WDR87: variants seen among roughly 807,000 people sequenced by gnomAD.
WDR87 encodes the protein WD repeat-containing protein 87.
A neutral mutation model predicts 83.3 loss-of-function variants in WDR87; 56 were observed. The observed-to-expected ratio is 0.67, with a 90% CI of 0.54 to 0.84. WDR87 has a LOEUF of 0.84. Ranked by LOEUF, WDR87 falls within the 40% of genes least tolerant of loss-of-function variation. WDR87 has a pLI of 0.00. For missense variants in WDR87, 2,939 were observed against 3,431.9 expected, an observed-to-expected ratio of 0.86 and a Z score of 3.59; for synonymous variants, 1,173 against 1,250.6, an observed-to-expected ratio of 0.94 and a Z score of 1.31.
chr19:37,891,514 G>A (rs2046204705), intron 5 of WDR87, 38 bp downstream of exon 5: 1 of 1,545,336 alleles, frequency 6.5e-7, no homozygotes, highest in Non-Finnish European at 8.7e-7. Flanking sequence ...CTGCCTCTTG[G>A]GGACCCTGAG....
In WDR87 at chr19:37,892,874, T is replaced by C. The variant is rs1371780112; in HGVS notation, c.2829A>G (p.Ala943=). 1 of 1,551,874 alleles carries C rather than the reference T, an allele frequency of 6.4e-7. No homozygotes were observed. The highest frequency in any genetic ancestry group is 8.7e-7 in the Non-Finnish European group (1 of 1,147,058). Residue 943 remains alanine, a synonymous_variant, in exon 4 of 6, where the codon GCA becomes GCG. Coordinates refer to ENST00000447313, the MANE Select transcript of WDR87 (RefSeq NM_001291088.2). ...SLLKYQCCVG[A]LGQIFASYQV... is the part of the protein sequence containing the mutation. ...GGTAAGAGGCAAAGATTTGCCCTAG[T>C]GCACCAACACAGCACTGGTACTTCA...
chr19:37,904,641 A>G (rs953231065), intron 1 of WDR87, among the ~76,000 whole-genome samples: 3 of 152,162 alleles, frequency 2.0e-5, no homozygotes, highest in African/African-American at 7.2e-5. Context: ...GGCGTGAGCC[A>G]CTGTGCCTGG....
chr19:37,896,132 T>G lies in WDR87; in HGVS notation c.246+6A>C. The G allele has an allele frequency of 6.4e-7, 1 of 1,552,154 alleles. No individual in the cohort carries two copies. The highest frequency in any genetic ancestry group is 8.7e-7 in the Non-Finnish European group (1 of 1,147,070). On this transcript the variant is annotated splice_donor_region_variant and intron_variant, in intron 3 of 5. Transcript: ENST00000447313. ...GGGCCAAGAAGGGTAAGAAAGGCAG[T>G]CTTACTTGTATTTCTTTTGTGTTTG...
At position 37,886,831 on chromosome 19, in the gene WDR87, C is replaced by A; in HGVS notation, c.6840G>T (p.Glu2280Asp). The change falls in exon 6 of 6, where the codon GAG becomes GAT. Residue 2280 changes from glutamate to aspartate, a missense_variant. Coordinates refer to ENST00000447313, the MANE Select transcript of WDR87 (RefSeq NM_001291088.2). ...CCTCCTCCTCCTCAGAAGACAAACT[C>A]TCTTGCTTTTCTAGTTCATCTAACA... is the stretch of plus-strand genomic sequence containing the variant. ...ESLLDELEKQ[E>D]SLSSEEEEER... 6.4e-7 allele frequency: 1 copy of A among 1,550,774 alleles called. No individual in the cohort carries two copies. Among genetic ancestry groups the A allele is most frequent in the Non-Finnish European group, 8.7e-7 (1 of 1,146,868 alleles).
intron 2 of WDR87, 82 bp downstream of exon 2, chr19:37,898,083 C>A (rs2046270243): frequency 1.3e-6 from 2 of 1,492,794 alleles, no homozygotes; most frequent in Admixed American, 2.0e-5. Flanking sequence ...CAAGGACAAT[C>A]TGTGGCTCTT....
chr19:37,902,022 GTTTATTTATTTATTTA>G (rs10618499), intron 1 of WDR87, among the ~76,000 whole-genome samples: 7 of 145,062 alleles, frequency 4.8e-5, no homozygotes, highest in African/African-American at 1.8e-4. Flanking sequence ...GGCCCTCTAT[GTTTATTTATTTATTTA>G]TTTATTTATT....
chr19:37,903,453 C>T (rs958969028), intron 1 of WDR87, among the ~76,000 whole-genome samples: 1 of 152,152 alleles, frequency 6.6e-6, no homozygotes, highest in African/African-American at 2.4e-5. Flanking sequence ...GGAAGAGTTA[C>T]CCTGGATCCC....
rs2046164206 is a variant in WDR87, at chr19:37,887,847, TCA to T, written c.5822_5823del (p.Val1941AspfsTer9). The stretch of plus-strand genomic sequence containing the variant: ...TCAGCCAGTTTCTCCTTCTTCTTGA[TCA>T]CAGTCTCCTTTTCCTGTGTCAGCTT... ...EEKLTQEKETVIKKKEKLAET... is the reference protein window; with the variant it reads ...EEKLTQEKETXIKKKEKLAET... On this transcript the variant is annotated frameshift_variant, in exon 6 of 6. Transcript: ENST00000447313. LOFTEE classifies it low-confidence loss of function (END_TRUNC). The T allele has an allele frequency of 3.2e-6, 5 of 1,551,004 alleles. No homozygotes were observed. Among genetic ancestry groups the T allele is most frequent in the South Asian group, 1.2e-5 (1 of 83,834 alleles).
rs1340514666 is a variant in WDR87 at position 37,894,589 on chromosome 19, A to G, written c.1114T>C (p.Cys372Arg). 3 of 1,551,750 alleles carry G rather than the reference A, an allele frequency of 1.9e-6. No homozygotes were observed. The highest frequency in any genetic ancestry group is 1.2e-5 in the South Asian group (1 of 84,062). Reference sequence around the variant, plus strand: ...ATCCGGAACCAGTTATTTCCACAGCAGACCCGACGCAACTGCTGGGGAGCA... The same window carrying G: ...ATCCGGAACCAGTTATTTCCACAGCGGACCCGACGCAACTGCTGGGGAGCA... ...GSAPQQLRRV[C>R]CGNNWFRILC... Residue 372 changes from cysteine to arginine, a missense_variant, in exon 4 of 6, where the codon TGC becomes CGC. Transcript: ENST00000447313.
Position 37,894,481 on chromosome 19 carries a change from T to A in WDR87, c.1222A>T (p.Ile408Phe), listed in dbSNP as rs372155175. 6.4e-6 allele frequency: 10 copies of A among 1,551,658 alleles called. No homozygotes were observed. The African/African-American group carries it at 1.4e-4, about 21-fold the overall frequency. Residue 408 changes from isoleucine to phenylalanine, a missense_variant, in exon 4 of 6, where the codon ATC becomes TTC. Ile to Phe is a conservative substitution (Grantham distance 21). Around this residue, in one of 3 missense-constraint regions of WDR87, gnomAD observed 553 missense variants for 577.9 expected, o/e 0.96. Transcript: ENST00000447313. ...DLLVITWPFS[I>F]LDQAVDWAYD... ...GCCCAATCCACAGCCTGGTCCAGGA[T>A]TGAGAAGGGCCAGGTGATAACCAGA... is the stretch of plus-strand genomic sequence containing the variant.
Position 37,898,181 on chromosome 19 carries a change from G to T in WDR87, c.59C>A (p.Thr20Asn). 2 of 1,551,624 alleles carry T rather than the reference G, an allele frequency of 1.3e-6. No individual in the cohort carries two copies. The highest frequency in any genetic ancestry group is 2.4e-5 in the East Asian group (1 of 40,908). Residue 20 changes from threonine (T) to asparagine (N), a missense_variant, in exon 2 of 6, where the codon ACC becomes AAC. By Grantham distance (65) the Thr-to-Asn change is moderately conservative (BLOSUM62 0). Around this residue, in one of 3 missense-constraint regions of WDR87, gnomAD observed 226 missense variants for 320.9 expected, o/e 0.70. Transcript: ENST00000447313. ...WKDLKLLLND[T>N]INKSKQPSED... ...ATACATTACCTTGCTTTTATTTATG[G>T]TGTCATTTAGGAGGAGTTTTAAATC...
rs1233146094 is a variant in WDR87 at position 37,894,418 on chromosome 19, C to T, written c.1285G>A (p.Gly429Ser). 1 of 1,551,744 alleles carries T rather than the reference C, an allele frequency of 6.4e-7. No homozygotes were observed. Among genetic ancestry groups the T allele is most frequent in the South Asian group, 1.2e-5 (1 of 84,060 alleles). Residue 429 changes from glycine to serine, a missense_variant, in exon 4 of 6, where the codon GGC becomes AGC. Coordinates refer to ENST00000447313, the MANE Select transcript of WDR87 (RefSeq NM_001291088.2). ...TCAAATACCAGAACCTCTGAGCTGC[C>T]TGTTGCTACAAAGAGCTCCTCTTTA... is the stretch of plus-strand genomic sequence containing the variant. ...PGKEELFVATGSSEVLVFDTT... is the reference protein window; with the variant it reads ...PGKEELFVATSSSEVLVFDTT...
In WDR87 at chr19:37,886,750, T is replaced by TTCC. The variant is rs749855670; in HGVS notation, c.6918_6920dup (p.Glu2307dup). On this transcript the variant is annotated inframe_insertion, in exon 6 of 6. Coordinates refer to ENST00000447313, the MANE Select transcript of WDR87 (RefSeq NM_001291088.2). ...CCTCCCCTTCCTCCTCCTCCTTCCTTTCCTCCTCCTCCTCCCTTTCCTCCT... is the reference window on the plus strand; with the variant it reads ...CCTCCCCTTCCTCCTCCTCCTTCCTTTCCTCCTCCTCCTCCTCCCTTTCCTCCT... 3.0e-6 allele frequency: 4 copies of TTCC among 1,316,914 alleles called. No homozygotes were observed. The highest frequency in any genetic ancestry group is 4.1e-6 in the Non-Finnish European group (4 of 966,306). 81.6% of individuals were successfully genotyped at this position (1,316,914 alleles called of 1,614,324 possible).
chr19:37,893,525 C>T lies in WDR87; in HGVS notation c.2178G>A (p.Gln726=). ...PKYIYPGQAQ[Q]KLVGLEKLVN... ...CAAGTTTCTCCAGACCCACTAATTT[C>T]TGTTGCGCTTGTCCAGGGTAGATGT... Residue 726 remains glutamine, a synonymous_variant, in exon 4 of 6, where the codon CAG becomes CAA. Coordinates refer to ENST00000447313, the MANE Select transcript of WDR87 (RefSeq NM_001291088.2). 3 of 1,551,810 alleles carry T rather than the reference C, an allele frequency of 1.9e-6. No individual in the cohort carries two copies. The highest frequency in any genetic ancestry group is 8.7e-7 in the Non-Finnish European group (1 of 1,147,048).
In WDR87 at chr19:37,906,504, A is replaced by C. The variant is rs2145451977; in HGVS notation, c.-52T>G. ...GCATTGGCTGCGCCTGTTACCTGCG[A>C]CAGGATTCCCGACAAGGGACGGGTA... On this transcript the variant is annotated 5_prime_UTR_variant, in exon 1 of 6. Transcript: ENST00000447313. 1 of 152,266 alleles carries C rather than the reference A, an allele frequency of 6.6e-6. No individual in the cohort carries two copies. The highest frequency in any genetic ancestry group is 2.1e-4 in the South Asian group (1 of 4,828). The allele number at this position is 152,266 out of a possible 1,614,324, so 9.4% of individuals were successfully genotyped here.
chr19:37,904,767 G>A (rs1253393248), intron 1 of WDR87, among the ~76,000 whole-genome samples: 1 of 152,134 alleles, frequency 6.6e-6, no homozygotes, highest in Non-Finnish European at 1.5e-5. Flanking sequence ...TTTCCCAACA[G>A]TTACTAGCTG....
At chr19:37,897,010 C>T (rs2046260950) in intron 2 of WDR87, among the ~76,000 whole-genome samples, 1 of 152,090 alleles carries the variant, frequency 6.6e-6, no homozygotes, top group South Asian at 2.1e-4. Context: ...CATCACCTTA[C>T]GCACACATGG....
chr19:37,894,891 T>C lies in WDR87; in HGVS notation c.812A>G (p.Gln271Arg). ...QAGEIQVWSL[Q>R]QGHPLHSFQA... ...GAAACTGTGGAGTGGATGGCCCTGC[T>C]GGAGGCTCCAAACTTGGATTTCCCC... The change falls in exon 4 of 6, where the codon CAG becomes CGG. Residue 271 changes from glutamine (Q) to arginine (R), a missense_variant. Gln to Arg is a conservative substitution (Grantham distance 43, BLOSUM62 1). Coordinates refer to ENST00000447313, the MANE Select transcript of WDR87 (RefSeq NM_001291088.2). 1 of 1,551,726 alleles carries C rather than the reference T, an allele frequency of 6.4e-7. No homozygotes were observed. The highest frequency in any genetic ancestry group is 8.7e-7 in the Non-Finnish European group (1 of 1,147,000).
chr19:37,891,694 T>A lies in WDR87; in HGVS notation c.3252A>T (p.Glu1084Asp). Residue 1084 changes from glutamate (E) to aspartate (D), a missense_variant, in exon 5 of 6, where the codon GAA (glutamate) becomes GAT (aspartate). By Grantham distance (45) the Glu-to-Asp change is conservative. This residue lies in a region of WDR87 where 2,160 missense variants were observed against 2,533.1 expected (regional missense o/e 0.85). Transcript: ENST00000447313. Reference sequence around the variant, plus strand: ...AGACATCTAAAGAAAAAGCCGGCTTTTCATCTCTATGTGACAGGGTCAGGT... The same window carrying A: ...AGACATCTAAAGAAAAAGCCGGCTTATCATCTCTATGTGACAGGGTCAGGT... ...NENLTLSHRD[E>D]KPAFSLDVSM... The A allele has an allele frequency of 6.4e-7, 1 of 1,551,900 alleles. No homozygotes were observed. Among genetic ancestry groups the A allele is most frequent in the South Asian group, 1.2e-5 (1 of 84,066 alleles).
Sources: gnomAD v4.1 joint callset for allele counts (sites outside exome capture counted in the v4.1 genomes callset) on GRCh38, gnomAD v4.1.1 for gene constraint, gnomAD v4.1.1 regional missense constraint, MANE v1.5 for transcripts, NCBI Gene and HGNC (gene_info 2026-07-23, HGNC 2026-07-21) for gene names.